The following NAALADL2 variants were observed in gnomAD, a reference collection of about 807,000 sequenced individuals.
NAALADL2 encodes N-acetylated alpha-linked acidic dipeptidase like 2, also known as inactive N-acetylated-alpha-linked acidic dipeptidase-like protein 2.
Under a neutral mutation model 87.2 loss-of-function variants are expected in NAALADL2, and 76 were observed. The ratio of observed to expected loss-of-function variants is 0.87; its 90% confidence interval spans 0.72 to 1.05. The LOEUF is 1.05. Among genes scored for constraint, NAALADL2 ranks in the 50% least tolerant of loss-of-function variants. NAALADL2 has a pLI of 0.00. For synonymous variants in NAALADL2, 354 were observed against 331.0 expected, an observed-to-expected ratio of 1.07 and a Z score of -0.75; for missense variants, 1,089 against 945.8, an observed-to-expected ratio of 1.15 and a Z score of -1.99.
chr3:175,635,089 A>C (rs1728320945), intron 11 of NAALADL2, among the ~76,000 whole-genome samples: 2 of 152,084 alleles, frequency 1.3e-5, no homozygotes, highest in Non-Finnish European at 2.9e-5. Context: ...AATTAAACTT[A>C]ATATCTTCAT....
At chr3:174,909,744 C>T (rs62286176) in intron 1 of NAALADL2, among the ~76,000 whole-genome samples, 2 of 152,028 alleles carry the variant, frequency 1.3e-5, no homozygotes, top group African/African-American at 4.8e-5. Flanking sequence ...TCTAAAAGGA[C>T]TATTCTGAGG....
At chr3:175,594,138 A>G (rs543424399) in intron 10 of NAALADL2, among the ~76,000 whole-genome samples, 2 of 152,100 alleles carry the variant, frequency 1.3e-5, no homozygotes, top group Non-Finnish European at 1.5e-5. Context: ...CAACCCACGC[A>G]CGCCTCCTTG....
chr3:174,971,060 T>C (rs984494621), intron 1 of NAALADL2, among the ~76,000 whole-genome samples: 4 of 151,448 alleles, frequency 2.6e-5, no homozygotes, highest in African/African-American at 9.7e-5. Flanking sequence ...AAGAGAAAAA[T>C]GAGGAAGAAG....
chr3:175,071,344 CAT>C (rs1392302347), intron 1 of NAALADL2, among the ~76,000 whole-genome samples: 1 of 152,080 alleles, frequency 6.6e-6, no homozygotes, highest in African/African-American at 2.4e-5. Context: ...TTTTTGGAAA[CAT>C]AACCTTATCA....
At chr3:175,483,293 A>G (rs1322194766) in intron 9 of NAALADL2, among the ~76,000 whole-genome samples, 1 of 150,962 alleles carries the variant, frequency 6.6e-6, no homozygotes, top group Non-Finnish European at 1.5e-5. Context: ...CAGGCATAAA[A>G]CAGATTTAAT....
At chr3:175,790,826 CTTAAACTATCATTA>C (rs1752691763) in intron 13 of NAALADL2, among the ~76,000 whole-genome samples, 1 of 152,190 alleles carries the variant, frequency 6.6e-6, no homozygotes, top group Non-Finnish European at 1.5e-5. Context: ...TTCTTTCACA[CTTAAACTATCATTA>C]TTTACATAAT....
intron 2 of NAALADL2, among the ~76,000 whole-genome samples, chr3:175,099,069 A>T (rs1048304201): frequency 6.6e-6 from 1 of 152,028 alleles, no homozygotes; most frequent in Admixed American, 6.6e-5. Flanking sequence ...TAAGCTACAT[A>T]TTTATTTTCC....
At chr3:175,242,229 A>G (rs1747051682) in intron 3 of NAALADL2, among the ~76,000 whole-genome samples, 1 of 152,162 alleles carries the variant, frequency 6.6e-6, no homozygotes, top group African/African-American at 2.4e-5. Context: ...TTACCATTTG[A>G]CAGAAAATGC....
At chr3:175,677,201 A>G (rs13326866) in intron 11 of NAALADL2, among the ~76,000 whole-genome samples, 17,865 of 151,768 alleles carry the variant, frequency 0.12, 1,114 homozygotes, top group Middle Eastern at 0.16. Context: ...CGTTTCTACT[A>G]AAAATACAAA....
intron 4 of NAALADL2, among the ~76,000 whole-genome samples, chr3:175,317,780 T>C (rs1180295156): frequency 3.9e-5 from 6 of 152,268 alleles, no homozygotes; most frequent in Middle Eastern, 3.4e-3. Context: ...TTGGGTACAT[T>C]GGTAAATATT....
intron 2 of NAALADL2, among the ~76,000 whole-genome samples, chr3:174,715,898 T>C (rs992103487): frequency 5.3e-5 from 8 of 152,122 alleles, no homozygotes; most frequent in African/African-American, 1.2e-4. Context: ...GCAATTTTTC[T>C]AAGAAACTGG....
chr3:175,736,226 G>T (rs540465080), intron 11 of NAALADL2, among the ~76,000 whole-genome samples: 1 of 152,178 alleles, frequency 6.6e-6, no homozygotes, highest in African/African-American at 2.4e-5. Context: ...TTGGGGTGGG[G>T]TCATGGGGGA....
chr3:175,068,597 T>G (rs1261354358), intron 1 of NAALADL2, among the ~76,000 whole-genome samples: 1 of 152,036 alleles, frequency 6.6e-6, no homozygotes, highest in Non-Finnish European at 1.5e-5. Context: ...TGAGGATGAG[T>G]GCAAAGTTTA....
chr3:174,649,045 C>G (rs1724091033), intron 2 of NAALADL2, among the ~76,000 whole-genome samples: 1 of 152,134 alleles, frequency 6.6e-6, no homozygotes, highest in African/African-American at 2.4e-5. Context: ...ACTGCAACCT[C>G]TGCCTCCCAG....
chr3:175,766,606 C>T (rs1446327711), intron 13 of NAALADL2, among the ~76,000 whole-genome samples: 1 of 152,048 alleles, frequency 6.6e-6, no homozygotes, highest in African/African-American at 2.4e-5. Context: ...TCATGTTAGA[C>T]ATTTTAGCAT....
intron 4 of NAALADL2, among the ~76,000 whole-genome samples, chr3:175,283,482 C>A (rs775120589): frequency 1.3e-5 from 2 of 152,050 alleles, no homozygotes; most frequent in Non-Finnish European, 2.9e-5. Flanking sequence ...CAGTTTTCTT[C>A]CTTCTGTTGG....
intron 1 of NAALADL2, among the ~76,000 whole-genome samples, chr3:174,949,237 G>A (rs1739954651): frequency 6.6e-6 from 1 of 152,160 alleles, no homozygotes; most frequent in Non-Finnish European, 1.5e-5. Context: ...CTTACCCATA[G>A]CCCTTCAAAT....
intron 2 of NAALADL2, among the ~76,000 whole-genome samples, chr3:175,143,631 G>T (rs1488035358): frequency 2.0e-5 from 3 of 148,524 alleles, no homozygotes; most frequent in Non-Finnish European, 4.5e-5. Flanking sequence ...CATAGAATAA[G>T]ACAGGCACTT....
At chr3:175,507,345 A>G (rs1444065632) in intron 9 of NAALADL2, among the ~76,000 whole-genome samples, 1 of 152,192 alleles carries the variant, frequency 6.6e-6, no homozygotes, top group African/African-American at 2.4e-5. Flanking sequence ...TTTGGTTCCC[A>G]TGTCCAGGTG....
Sources: allele counts gnomAD v4.1 joint callset (sites outside exome capture counted in the v4.1 genomes callset), GRCh38; gene constraint gnomAD v4.1.1; transcripts MANE v1.5; gene names NCBI Gene and HGNC (gene_info 2026-07-23, HGNC 2026-07-21).